Variants in MAGEC3 observed in about 807,000 individuals in gnomAD.
MAGEC3 encodes the protein melanoma-associated antigen C3.
A neutral mutation model predicts 35.3 loss-of-function variants in MAGEC3; 34 were observed. The observed-to-expected ratio is 0.96, with a 90% CI of 0.73 to 1.28. The LOEUF (loss-of-function observed/expected upper bound fraction) is 1.28. Among genes scored for constraint, MAGEC3 ranks in the 50% most tolerant of loss-of-function variants. MAGEC3 has a pLI of 0.00. For missense variants in MAGEC3, 561 were observed against 483.6 expected, an observed-to-expected ratio of 1.16 and a Z score of -1.50; for synonymous variants, 202 against 185.6, an observed-to-expected ratio of 1.09 and a Z score of -0.72.
intron 6 of MAGEC3, chrX:141,896,177 T>C (rs1297946531): frequency 5.7e-6 from 1 of 174,887 alleles, no homozygotes; most frequent in Non-Finnish European, 9.9e-6. Flanking sequence ...TCACTTCCTC[T>C]TGCAGGTGCT....
At position 141,861,626 on chromosome X, in the gene MAGEC3, A is replaced by C. The variant is rs143299120; in HGVS notation, c.124-3845A>C. Among the ~76,000 whole-genome samples, 502 of 111,608 alleles carry C rather than the reference A, an allele frequency of 4.5e-3. 4 individuals carry two copies. The highest frequency in any genetic ancestry group is 0.016 in the African/African-American group (482 of 30,774). On this transcript the variant is annotated intron_variant, in intron 1 of 7. Transcript: ENST00000298296. ...GAAAAACCCAAAAACAAATCCATAT[A>C]TTTACAACCATCTGATCTTCAACAA... is the stretch of plus-strand genomic sequence containing the variant.
rs752896794 is a variant in MAGEC3 at position 141,894,740 on chromosome X, G to GA, written c.910-527dup. On this transcript the variant is annotated intron_variant, in intron 4 of 7. Coordinates refer to ENST00000298296, the MANE Select transcript of MAGEC3 (RefSeq NM_138702.1). ...GGATAGCTATCTCCCAACACGGAGG[G>GA]AAGGCCCAGGCGTCGCCCAGCCACT... 7.2e-6 allele frequency: 7 copies of GA among 970,154 alleles called. No individual in the cohort carries two copies. The Middle Eastern group carries it at 8.9e-4, about 123-fold the overall frequency. The allele number at this position is 970,154 out of a possible 1,213,427, so 80.0% of individuals were successfully genotyped here.
At chrX:141,888,231 A>C (rs893970470) in intron 4 of MAGEC3, among the ~76,000 whole-genome samples, 34 of 111,844 alleles carry the variant, frequency 3.0e-4, no homozygotes, top group Admixed American at 1.7e-3. Flanking sequence ...CTAGGGCACG[A>C]TATGCAGGCA....
chrX:141,896,634 C>T, intron 6 of MAGEC3: 2 of 1,202,257 alleles, frequency 1.7e-6, no homozygotes, highest in South Asian at 3.7e-5. Context: ...TTACCTGCTG[C>T]TCCTGAACAA....
chrX:141,895,864 G>T (rs1212864190), intron 6 of MAGEC3, among the ~76,000 whole-genome samples: 1 of 110,930 alleles, frequency 9.0e-6, no homozygotes, highest in African/African-American at 3.3e-5. Flanking sequence ...AGTGAGGACG[G>T]AGAGGTCCCA....
chrX:141,893,515 A>T (rs966268838), intron 4 of MAGEC3, among the ~76,000 whole-genome samples: 3 of 110,938 alleles, frequency 2.7e-5, no homozygotes, highest in Non-Finnish European at 5.7e-5. Flanking sequence ...CAAAACCTAC[A>T]GCATCCCCAA....
At chrX:141,856,806 G>A (rs1057157153) in intron 1 of MAGEC3, among the ~76,000 whole-genome samples, 4 of 112,130 alleles carry the variant, frequency 3.6e-5, no homozygotes, top group African/African-American at 1.3e-4. Context: ...ATCAGACACA[G>A]AAAGATAAAT....
intron 6 of MAGEC3, among the ~76,000 whole-genome samples, 163 bp downstream of exon 6, chrX:141,895,722 G>T (rs1213800603): frequency 1.9e-5 from 2 of 106,872 alleles, no homozygotes; most frequent in African/African-American, 3.4e-5. Context: ...CATTGCTGGG[G>T]GAGGGGTGGA....
intron 2 of MAGEC3, among the ~76,000 whole-genome samples, chrX:141,870,655 C>T (rs2017881962): frequency 9.0e-6 from 1 of 111,684 alleles, no homozygotes; most frequent in Non-Finnish European, 1.9e-5. Context: ...TTTTATACAC[C>T]TTGCACCCAA....
At position 141,846,358 on chromosome X, in the gene MAGEC3, G is replaced by A. The variant is rs947977915; in HGVS notation, c.123+7920G>A. 2.7e-5 allele frequency among the ~76,000 whole-genome samples: 3 copies of A among 110,011 alleles called. No homozygotes were observed. The East Asian group carries it at 8.6e-4, about 32-fold the overall frequency. ...CTTGCTGGCCTAAGAGGGGGAGTGG[G>A]TGATGAGATTTAACAACAGGCGAGT... On this transcript the variant is annotated intron_variant, in intron 1 of 7. Transcript: ENST00000298296.
intron 6 of MAGEC3, among the ~76,000 whole-genome samples, 185 bp downstream of exon 6, chrX:141,895,744 G>T (rs1276580411): frequency 2.1e-4 from 22 of 106,037 alleles, no homozygotes; most frequent in African/African-American, 6.9e-4. Flanking sequence ...GGGAGGGGGA[G>T]GGGTGGAGGG....
chrX:141,882,169 C>G (rs1287116738), intron 4 of MAGEC3, among the ~76,000 whole-genome samples: 3 of 111,481 alleles, frequency 2.7e-5, no homozygotes, highest in Non-Finnish European at 3.8e-5. Context: ...TTTCTTACGT[C>G]TGTGTTTGAA....
intron 4 of MAGEC3, among the ~76,000 whole-genome samples, chrX:141,894,338 T>TTAAATTAA (rs1273055996): frequency 1.8e-5 from 2 of 111,878 alleles, no homozygotes; most frequent in African/African-American, 3.2e-5. Context: ...ATTAATGACA[T>TTAAATTAA]TAAATTAATA....
Position 141,838,411 on chromosome X carries a change from C to T in MAGEC3, c.96C>T (p.Ser32=). Residue 32 remains serine, a synonymous_variant, in exon 1 of 8, where the codon TCC becomes TCT. Transcript: ENST00000298296. ...VKNTCATYAL[S]PVVLPPQPQP... ...ACACATGTGCCACATATGCCTTATC[C>T]CCAGTGGTGCTCCCACCTCAGCCCC... is the stretch of plus-strand genomic sequence containing the variant. The T allele has an allele frequency of 8.3e-7, 1 of 1,210,231 alleles. No individual in the cohort carries two copies. Among genetic ancestry groups the T allele is most frequent in the Non-Finnish European group, 1.1e-6 (1 of 894,412 alleles).
At chrX:141,867,528 A>G (rs2017856796) in intron 2 of MAGEC3, among the ~76,000 whole-genome samples, 3 of 111,986 alleles carry the variant, frequency 2.7e-5, no homozygotes, top group African/African-American at 9.7e-5. Context: ...AAACAAAACA[A>G]AACAAACAAA....
chrX:141,838,623 C>T (rs758328109), intron 1 of MAGEC3, 185 bp downstream of exon 1: 47 of 737,499 alleles, frequency 6.4e-5, no homozygotes, highest in Non-Finnish European at 7.4e-5. Context: ...AGCCTGTGGT[C>T]GCTCATGTCT....
At chrX:141,891,686 AAT>A (rs754163261) in intron 4 of MAGEC3, among the ~76,000 whole-genome samples, 1 of 103,915 alleles carries the variant, frequency 9.6e-6, no homozygotes, top group Admixed American at 1.1e-4. Flanking sequence ...TGCATATATA[AAT>A]ATATATATTT....
At chrX:141,885,538 G>A (rs1168080984) in intron 4 of MAGEC3, among the ~76,000 whole-genome samples, 2 of 107,698 alleles carry the variant, frequency 1.9e-5, no homozygotes, top group Non-Finnish European at 3.8e-5. Flanking sequence ...CGTGGTGCGC[G>A]CCTGTAATCC....
At chrX:141,865,401 A>G (rs1014666920) in intron 1 of MAGEC3, 70 bp from the exon 2 acceptor site, 33 of 1,035,455 alleles carry the variant, frequency 3.2e-5, no homozygotes, top group Non-Finnish European at 4.0e-5. Flanking sequence ...AAAGAAGAAT[A>G]GAGTAGATCT....
Sources: allele counts gnomAD v4.1 joint callset (sites outside exome capture counted in the v4.1 genomes callset), GRCh38; gene constraint gnomAD v4.1.1; transcripts MANE v1.5; gene names NCBI Gene and HGNC (gene_info 2026-07-23, HGNC 2026-07-21).